SUPV3L1: variants seen among roughly 807,000 people sequenced by gnomAD.
SUPV3L1 encodes the protein ATP-dependent RNA helicase SUPV3L1, mitochondrial.
A neutral mutation model predicts 70.0 loss-of-function variants in SUPV3L1; 35 were observed. The observed-to-expected ratio is 0.50, with a 90% CI of 0.38 to 0.66. The LOEUF (loss-of-function observed/expected upper bound fraction) is 0.66. Ranked by LOEUF, SUPV3L1 falls within the 30% of genes least tolerant of loss-of-function variation. The pLI, the probability that SUPV3L1 is intolerant of heterozygous loss-of-function variation, is 0.00. For missense variants in SUPV3L1, 777 were observed against 961.5 expected (o/e 0.81, Z 2.54); for synonymous variants, 364 against 341.9 (o/e 1.06, Z -0.71).
At chr10:69,208,495 G>A (rs1170298375) in intron 14 of SUPV3L1, 105 bp from the exon 15 acceptor site, 1 of 1,265,878 alleles carries the variant, frequency 7.9e-7, no homozygotes, top group East Asian at 2.3e-5. Flanking sequence ...TTTGCAAAAA[G>A]AACATTTAGA....
intron 1 of SUPV3L1, among the ~76,000 whole-genome samples, chr10:69,185,155 G>A (rs1842183931): frequency 6.6e-6 from 1 of 152,246 alleles, no homozygotes; most frequent in East Asian, 1.9e-4. Context: ...TAATTGTTAG[G>A]AAGTTCTTGT....
Position 69,200,353 on chromosome 10 carries a change from C to G in SUPV3L1, c.1372C>G (p.Pro458Ala). The change falls in exon 11 of 15, where the codon CCA becomes GCA. Residue 458 changes from proline to alanine, a missense_variant. By Grantham distance (27) the Pro-to-Ala change is conservative. Transcript: ENST00000359655. Reference protein sequence around the residue: ...INEKGERELEPITTSQALQIA... With the variant: ...INEKGERELEAITTSQALQIA... The stretch of plus-strand genomic sequence containing the variant: ...TGAAAAGGGAGAGAGAGAACTAGAA[C>G]CAATCACAACCTCTCAAGCCCTGCA... 2 of 1,614,078 alleles carry G rather than the reference C, an allele frequency of 1.2e-6. No individual in the cohort carries two copies. Among genetic ancestry groups the G allele is most frequent in the Non-Finnish European group, 1.7e-6 (2 of 1,180,014 alleles).
chr10:69,180,660 T>G, intron 1 of SUPV3L1, 98 bp downstream of exon 1: 284 of 1,431,058 alleles, frequency 2.0e-4, no homozygotes, highest in Non-Finnish European at 2.5e-4. Context: ...GGATCCGAGG[T>G]CCCATCGAGT....
chr10:69,190,782 A>G (rs950707419), intron 5 of SUPV3L1, among the ~76,000 whole-genome samples: 1 of 152,198 alleles, frequency 6.6e-6, no homozygotes, highest in African/African-American at 2.4e-5. Flanking sequence ...TGTGTTGTGA[A>G]CTGTCTCTCA....
intron 3 of SUPV3L1, among the ~76,000 whole-genome samples, chr10:69,187,179 T>C (rs1159104308): frequency 1.3e-5 from 2 of 152,162 alleles, no homozygotes; most frequent in African/African-American, 4.8e-5. Context: ...CTTTTGCCAA[T>C]GCTAATCTTT....
rs772903118 is a variant in SUPV3L1, at chr10:69,189,236, G to C, written c.573-31G>C. On this transcript the variant is annotated intron_variant, in intron 4 of 14. Transcript: ENST00000359655. ...TGCCAGGATGGATTTTGAGGTTAAT[G>C]GATTAAGCTGTTTACCTACTCATGT... The C allele has an allele frequency of 1.9e-6, 3 of 1,596,508 alleles. No homozygotes were observed. In the East Asian group the frequency reaches 6.8e-5, roughly 36 times the overall value.
chr10:69,187,520 G>A (rs1842265436), intron 3 of SUPV3L1, 122 bp from the exon 4 acceptor site: 1 of 617,096 alleles, frequency 1.6e-6, no homozygotes, highest in African/African-American at 1.9e-5. Flanking sequence ...GCCCAGAGAG[G>A]ACTTTTCTTT....
chr10:69,196,504 GA>G (rs570659205), intron 7 of SUPV3L1, among the ~76,000 whole-genome samples: 278 of 134,164 alleles, frequency 2.1e-3, no homozygotes, highest in Middle Eastern at 0.015. Flanking sequence ...CTGTCTCATG[GA>G]AAAAAAAAAA....
Position 69,200,815 on chromosome 10 carries a change from A to C in SUPV3L1, c.1518+316A>C, listed in dbSNP as rs114559638. Among the ~76,000 whole-genome samples the C allele has an allele frequency of 4.9e-3, 753 of 152,346 alleles. 7 individuals are homozygous for C. The highest frequency in any genetic ancestry group is 0.017 in the African/African-American group (724 of 41,580). On this transcript the variant is annotated intron_variant, in intron 11 of 14. Transcript: ENST00000359655. ...AAAAGCAGTTTCTTCAGCTGAGCAC[A>C]CAGAGCTACATTAGTGGACTGAAAA... is the stretch of plus-strand genomic sequence containing the variant.
intron 6 of SUPV3L1, chr10:69,192,503 T>G (rs1306252938): frequency 3.3e-5 from 5 of 152,248 alleles, no homozygotes; most frequent in Non-Finnish European, 5.9e-5. Flanking sequence ...ACCACTTGCT[T>G]GTTTACTCCA....
At chr10:69,186,335 A>G (rs1564700026) in intron 2 of SUPV3L1, 108 bp from the exon 3 acceptor site, 12 of 743,836 alleles carry the variant, frequency 1.6e-5, no homozygotes, top group Middle Eastern at 2.8e-4. Context: ...CAAAAAAAAA[A>G]AAAAAAAAAG....
chr10:69,205,221 G>A (rs1842792667), intron 13 of SUPV3L1, among the ~76,000 whole-genome samples: 1 of 152,214 alleles, frequency 6.6e-6, no homozygotes, highest in Non-Finnish European at 1.5e-5. Flanking sequence ...GCATAAGGTT[G>A]AAGTTTATGG....
chr10:69,180,655 C>T (rs1042603745), intron 1 of SUPV3L1, 93 bp downstream of exon 1: 1 of 1,501,806 alleles, frequency 6.7e-7, no homozygotes. Flanking sequence ...CCTGGGGATC[C>T]GAGGTCCCAT....
In SUPV3L1 at chr10:69,185,656, C is replaced by T. The variant is rs58262430; in HGVS notation, c.272-331C>T. Among the ~76,000 whole-genome samples, 19 of 152,176 alleles carry T rather than the reference C, an allele frequency of 1.2e-4. No homozygotes were observed. The East Asian group carries it at 3.7e-3, about 29-fold the overall frequency. On this transcript the variant is annotated intron_variant, in intron 1 of 14. Transcript: ENST00000359655. ...AGCTGGGACTACAGGCGCCCAATAA[C>T]AGGCCCAGCTAATTTTTGTATTTTT... is the stretch of plus-strand genomic sequence containing the variant.
At chr10:69,187,994 A>G (rs1277735280) in intron 4 of SUPV3L1, among the ~76,000 whole-genome samples, 1 of 152,128 alleles carries the variant, frequency 6.6e-6, no homozygotes, top group East Asian at 1.9e-4. Context: ...GCCCTGACTT[A>G]AGGATGTTGT....
At position 69,203,178 on chromosome 10, in the gene SUPV3L1, G is replaced by GTTTTTACAAA. The variant is rs1315302805; in HGVS notation, c.1776+135_1776+136insTTTTTACAAA. 9 of 890,044 alleles carry GTTTTTACAAA rather than the reference G, an allele frequency of 1.0e-5. No homozygotes were observed. In the African/African-American group the frequency reaches 1.4e-4, roughly 13 times the overall value. 55.1% of individuals were successfully genotyped at this position (890,044 alleles called of 1,614,324 possible). A position where few individuals can be genotyped will look rare whatever the true frequency, so the allele number is the denominator to read the frequency against. ...AGAGACTTTGTAAAAACTTAAATAG[G>GTTTTTACAAA]GGTTAATAGTAGCAACAGTGTTCAG... On this transcript the variant is annotated intron_variant, in intron 13 of 14. Transcript: ENST00000359655.
At chr10:69,196,846 G>T (rs1842555806) in intron 7 of SUPV3L1, 146 bp from the exon 8 acceptor site, 1 of 611,918 alleles carries the variant, frequency 1.6e-6, no homozygotes, top group Non-Finnish European at 2.8e-6. Flanking sequence ...TTATTTCAAG[G>T]TTTGCATCAG....
chr10:69,206,468 A>G (rs936442687), intron 13 of SUPV3L1, among the ~76,000 whole-genome samples: 3 of 152,176 alleles, frequency 2.0e-5, no homozygotes, highest in Non-Finnish European at 2.9e-5. Flanking sequence ...GTGTGGTTGT[A>G]TGTCTATCTT....
chr10:69,208,788 G>A lies in SUPV3L1; in HGVS notation c.2114G>A (p.Ser705Asn), dbSNP rs768255427. 1.8e-5 allele frequency: 29 copies of A among 1,614,178 alleles called. No homozygotes were observed. Among genetic ancestry groups the A allele is most frequent in the Non-Finnish European group, 2.4e-5 (28 of 1,180,046 alleles). ...SQSRLSGTLK[S>N]QARRTRGTKA... ...TCACGATTGTCAGGAACCTTAAAGA[G>A]CCAAGCTAGAAGGACACGCGGCACC... The change falls in exon 15 of 15, where the codon AGC becomes AAC. Residue 705 changes from serine to asparagine, a missense_variant. Coordinates refer to ENST00000359655, the MANE Select transcript of SUPV3L1 (RefSeq NM_003171.5).
Sources: allele counts gnomAD v4.1 joint callset (sites outside exome capture counted in the v4.1 genomes callset), GRCh38; gene constraint gnomAD v4.1.1; transcripts MANE v1.5; gene names NCBI Gene and HGNC (gene_info 2026-07-23, HGNC 2026-07-21).